Variants in ENPP3 observed in about 807,000 individuals in gnomAD.
ENPP3 encodes ectonucleotide pyrophosphatase/phosphodiesterase 3.
Under a neutral mutation model 117.8 loss-of-function variants are expected in ENPP3, and 104 were observed. That is an observed-to-expected ratio of 0.88 (90% CI 0.75 to 1.04). ENPP3 has a LOEUF of 1.04. ENPP3 is among the 50% of genes least tolerant of loss of function. ENPP3 has a pLI of 0.00. For missense variants in ENPP3, 1,026 were observed against 1,051.9 expected, an observed-to-expected ratio of 0.98 and a Z score of 0.34; for synonymous variants, 380 against 349.9, an observed-to-expected ratio of 1.09 and a Z score of -0.96.
chr6:131,716,727 G>A, intron 15 of ENPP3, among the ~76,000 whole-genome samples: 1 of 150,894 alleles, frequency 6.6e-6, no homozygotes, highest in Non-Finnish European at 1.5e-5. Flanking sequence ...CCAGCACTTT[G>A]GGAGGCTGAG....
intron 1 of ENPP3, among the ~76,000 whole-genome samples, chr6:131,637,919 AC>A (rs1045646117): frequency 5.8e-5 from 8 of 136,786 alleles, no homozygotes; most frequent in East Asian, 4.2e-4. Flanking sequence ...AAGATCTGCC[AC>A]CCCCCCTCAC....
chr6:131,688,270 G>A (rs182895904), intron 14 of ENPP3, among the ~76,000 whole-genome samples: 3 of 152,170 alleles, frequency 2.0e-5, no homozygotes, highest in Admixed American at 1.3e-4. Flanking sequence ...CCCCCTCCTC[G>A]CTTCTGGACT....
intron 19 of ENPP3, among the ~76,000 whole-genome samples, chr6:131,724,359 A>T (rs1349623613): frequency 1.3e-5 from 2 of 152,066 alleles, no homozygotes; most frequent in Admixed American, 1.3e-4. Flanking sequence ...CTTTCCTTAG[A>T]TGTAAGCAGA....
At chr6:131,709,635 T>C (rs1412614446) in intron 15 of ENPP3, 1 of 1,611,584 alleles carries the variant, frequency 6.2e-7, no homozygotes, top group Non-Finnish European at 8.5e-7. Context: ...TATCATGTCC[T>C]CTTTTCTCGT....
Position 131,733,662 on chromosome 6 carries a change from C to G in ENPP3, c.2028C>G (p.Ser676Arg). The G allele has an allele frequency of 6.2e-7, 1 of 1,614,096 alleles. No homozygotes were observed. Among genetic ancestry groups the G allele is most frequent in the Non-Finnish European group, 8.5e-7 (1 of 1,179,988 alleles). The change falls in exon 21 of 25, where the codon AGC becomes AGG. Residue 676 changes from serine to arginine, a missense_variant. Ser to Arg is a moderately radical substitution (Grantham distance 110). Transcript: ENST00000357639. ...RADVRVPPSE[S>R]QKCSFYLADK... Reference sequence around the variant, plus strand: ...ATGTCAGGGTTCCTCCTTCTGAGAGCCAAAAATGTTCCTTCTATTTAGCAG... The same window carrying G: ...ATGTCAGGGTTCCTCCTTCTGAGAGGCAAAAATGTTCCTTCTATTTAGCAG...
At chr6:131,676,662 T>C (rs1033152158) in intron 9 of ENPP3, 74 bp from the exon 10 acceptor site, 3 of 1,006,158 alleles carry the variant, frequency 3.0e-6, no homozygotes, top group South Asian at 1.3e-5. Context: ...TATTAAACTT[T>C]CTGAATAGGA....
chr6:131,663,724 A>C (rs575452245), intron 6 of ENPP3, among the ~76,000 whole-genome samples: 23 of 151,880 alleles, frequency 1.5e-4, no homozygotes, highest in Non-Finnish European at 2.2e-4. Context: ...TCACCTAGTG[A>C]TGTCATAGAA....
rs1328195988 is a variant in ENPP3 at position 131,658,422 on chromosome 6, T to C, written c.562+2T>C. ...TAATGCCAAATATCAATAAACTGAGTAAGTCTTCTGTAACTAGTGGCATGC... is the reference window on the plus strand; with the variant it reads ...TAATGCCAAATATCAATAAACTGAGCAAGTCTTCTGTAACTAGTGGCATGC... On this transcript the variant is annotated splice_donor_variant, in intron 6 of 24. Coordinates refer to ENST00000357639, the MANE Select transcript of ENPP3 (RefSeq NM_005021.5). LOFTEE classifies it high-confidence loss of function. 1 of 1,458,298 alleles carries C rather than the reference T, an allele frequency of 6.9e-7. No individual in the cohort carries two copies. The highest frequency in any genetic ancestry group is 9.6e-7 in the Non-Finnish European group (1 of 1,038,528). The allele number at this position is 1,458,298 out of a possible 1,614,324, so 90.3% of individuals were successfully genotyped here.
At position 131,722,334 on chromosome 6, in the gene ENPP3, T is replaced by A. The variant is rs746267213; in HGVS notation, c.1675T>A (p.Phe559Ile). Residue 559 changes from phenylalanine (F) to isoleucine (I), a missense_variant, in exon 18 of 25, where the codon TTT becomes ATT. Physicochemically the swap from Phe to Ile is conservative, Grantham distance 21. Coordinates refer to ENST00000357639, the MANE Select transcript of ENPP3 (RefSeq NM_005021.5). ...ATCCCATGCAGAGGAGGTGTCAAAG[T>A]TTTCTGTTTGTGGCTTTGCTAATCC... ...EPSHAEEVSK[F>I]SVCGFANPLP... 3.7e-6 allele frequency: 6 copies of A among 1,614,016 alleles called. No homozygotes were observed. The African/African-American group carries it at 4.0e-5, about 11-fold the overall frequency.
intron 10 of ENPP3, 60 bp downstream of exon 10, chr6:131,676,861 G>T (rs1225197324): frequency 4.2e-5 from 36 of 865,918 alleles, no homozygotes; most frequent in South Asian, 6.8e-5. Flanking sequence ...AAAAAATGAA[G>T]TTTTTTTTTT....
intron 8 of ENPP3, chr6:131,674,490 A>G (rs1778822333): frequency 3.5e-6 from 2 of 577,360 alleles, no homozygotes; most frequent in Non-Finnish European, 6.2e-6. Context: ...AAACTTGGAT[A>G]TTGGGTTATA....
At chr6:131,744,769 T>C (rs1235605522) in intron 24 of ENPP3, among the ~76,000 whole-genome samples, 1 of 151,902 alleles carries the variant, frequency 6.6e-6, no homozygotes, top group Admixed American at 6.6e-5. Context: ...TTTGGGGATA[T>C]ACAATACTCT....
intron 19 of ENPP3, among the ~76,000 whole-genome samples, 165 bp from the exon 20 acceptor site, chr6:131,725,881 T>C (rs923709770): frequency 6.6e-6 from 1 of 152,102 alleles, no homozygotes; most frequent in Admixed American, 6.5e-5. Context: ...ATACATTGGA[T>C]TGTTGTAAGA....
intron 2 of ENPP3, among the ~76,000 whole-genome samples, chr6:131,649,003 T>C (rs1430515337): frequency 6.6e-6 from 1 of 152,242 alleles, no homozygotes; most frequent in African/African-American, 2.4e-5. Flanking sequence ...ACTTCCCTTT[T>C]TTCAGTGCCT....
At chr6:131,655,488 A>G (rs907873859) in intron 5 of ENPP3, among the ~76,000 whole-genome samples, 1 of 152,006 alleles carries the variant, frequency 6.6e-6, no homozygotes, top group Non-Finnish European at 1.5e-5. Context: ...GTGGCATAAC[A>G]CTCCCTCAAG....
chr6:131,693,764 T>C, intron 15 of ENPP3, 140 bp downstream of exon 15: 1 of 790,518 alleles, frequency 1.3e-6, no homozygotes. Flanking sequence ...GTATGCTATT[T>C]AGCAGTTCTG....
intron 15 of ENPP3, chr6:131,700,722 A>C (rs769360478): frequency 6.4e-7 from 1 of 1,555,832 alleles, no homozygotes. Flanking sequence ...CCTTGATTGG[A>C]TCTGAAGGAT....
chr6:131,740,365 C>T lies in ENPP3; in HGVS notation c.2442C>T (p.Asn814=), dbSNP rs755440859. ...LPFIIPHRPT[N]VESCPEGKPE... is the part of the protein sequence containing the mutation. Reference sequence around the variant, plus strand: ...TTATCATCCCTCACCGACCTACCAACGTGGAGAGCTGTCCTGTGAGTATGC... The same window carrying T: ...TTATCATCCCTCACCGACCTACCAATGTGGAGAGCTGTCCTGTGAGTATGC... Residue 814 remains asparagine (N), a synonymous_variant, in exon 24 of 25, where the codon AAC becomes AAT. Transcript: ENST00000357639. 26 of 1,609,226 alleles carry T rather than the reference C, an allele frequency of 1.6e-5. No homozygotes were observed. The highest frequency in any genetic ancestry group is 2.0e-5 in the Non-Finnish European group (23 of 1,177,740).
intron 20 of ENPP3, 97 bp downstream of exon 20, chr6:131,726,297 G>A (rs1780153511): frequency 9.0e-7 from 1 of 1,111,328 alleles, no homozygotes; most frequent in Non-Finnish European, 1.3e-6. Context: ...GAGATTCAAA[G>A]GGAGGGAACT....
Sources: allele counts gnomAD v4.1 joint callset (sites outside exome capture counted in the v4.1 genomes callset), GRCh38; gene constraint gnomAD v4.1.1; transcripts MANE v1.5; gene names NCBI Gene and HGNC (gene_info 2026-07-23, HGNC 2026-07-21).